The following CEP85L variants were observed in gnomAD, a reference collection of about 807,000 sequenced individuals.
CEP85L encodes the protein centrosomal protein 85L.
Under a neutral mutation model 100.3 loss-of-function variants are expected in CEP85L, and 60 were observed. The observed-to-expected ratio is 0.60, with a 90% CI of 0.49 to 0.74. The LOEUF is 0.74. Among genes scored for constraint, CEP85L ranks in the 30% least tolerant of loss-of-function variants. The pLI, the probability that CEP85L is intolerant of heterozygous loss-of-function variation, is 0.00. For synonymous variants in CEP85L, 319 were observed against 322.7 expected (o/e 0.99, Z 0.12); for missense variants, 973 against 936.2 (o/e 1.04, Z -0.51).
intron 5 of CEP85L, among the ~76,000 whole-genome samples, chr6:118,504,750 G>A (rs1422034409): frequency 6.6e-6 from 1 of 152,176 alleles, no homozygotes; most frequent in Non-Finnish European, 1.5e-5. Context: ...GGGCAGTCTT[G>A]TGGTAGTGAG....
At chr6:118,593,464 G>A (rs1781299635) in intron 2 of CEP85L, among the ~76,000 whole-genome samples, 2 of 152,046 alleles carry the variant, frequency 1.3e-5, no homozygotes, top group East Asian at 3.8e-4. Flanking sequence ...TTACATGGCA[G>A]GAGGAAGAGA....
chr6:118,672,582 A>G (rs1288921129), intron 1 of CEP85L, among the ~76,000 whole-genome samples: 1 of 152,156 alleles, frequency 6.6e-6, no homozygotes, highest in African/African-American at 2.4e-5. Flanking sequence ...CCTGGGCAAC[A>G]TGGTGAGACT....
At chr6:118,501,235 C>A (rs1288030136) in intron 5 of CEP85L, among the ~76,000 whole-genome samples, 1 of 152,230 alleles carries the variant, frequency 6.6e-6, no homozygotes, top group African/African-American at 2.4e-5. Context: ...CCATGTCTGA[C>A]CAGGCCCTGG....
At chr6:118,501,355 G>T (rs1775290478) in intron 5 of CEP85L, 1 of 363,192 alleles carries the variant, frequency 2.8e-6, no homozygotes, top group Admixed American at 3.9e-5. Context: ...CAATGCAGGG[G>T]GTTAGCATGT....
At chr6:118,607,695 G>A (rs1296171823) in intron 2 of CEP85L, among the ~76,000 whole-genome samples, 1 of 152,176 alleles carries the variant, frequency 6.6e-6, no homozygotes, top group Non-Finnish European at 1.5e-5. Context: ...ACTCCCCTAA[G>A]TTGGGCCTCT....
chr6:118,606,705 T>C (rs1199289595), intron 2 of CEP85L, among the ~76,000 whole-genome samples: 1 of 152,230 alleles, frequency 6.6e-6, no homozygotes, highest in Non-Finnish European at 1.5e-5. Context: ...AATTTGTTAC[T>C]GACCAGCTTG....
chr6:118,612,217 CACTT>C (rs1462451309), intron 2 of CEP85L, among the ~76,000 whole-genome samples: 2 of 151,640 alleles, frequency 1.3e-5, no homozygotes, highest in Non-Finnish European at 2.9e-5. Flanking sequence ...CTAAACAACA[CACTT>C]ACAGTCCTGA....
chr6:118,472,079 C>T (rs1773002286), intron 10 of CEP85L, among the ~76,000 whole-genome samples: 1 of 151,240 alleles, frequency 6.6e-6, no homozygotes, highest in Non-Finnish European at 1.5e-5. Context: ...GGTGTTTTCA[C>T]AATATAATTA....
intron 1 of CEP85L, chr6:118,646,889 T>A (rs1000379152): frequency 2.1e-6 from 2 of 971,668 alleles, no homozygotes; most frequent in African/African-American, 3.5e-5. Flanking sequence ...AACATGACAA[T>A]AGAGGTTATC....
At chr6:118,652,490 G>T, upstream of CEP85L, 11 of 1,324,052 alleles carry the variant, frequency 8.3e-6, no homozygotes, top group Non-Finnish European at 1.1e-5. Context: ...GTGGTGGGAG[G>T]CGGGCTCTGC....
At chr6:118,616,602 C>T (rs1318606116) in intron 2 of CEP85L, among the ~76,000 whole-genome samples, 2 of 148,624 alleles carry the variant, frequency 1.3e-5, no homozygotes, top group Non-Finnish European at 3.0e-5. Flanking sequence ...TGACGGTATG[C>T]ACCACTACAC....
chr6:118,558,335 T>C (rs949468065), intron 3 of CEP85L, among the ~76,000 whole-genome samples: 1 of 152,162 alleles, frequency 6.6e-6, no homozygotes, highest in Non-Finnish European at 1.5e-5. Flanking sequence ...TTGGGGTCTT[T>C]ATTGAGAAGT....
intron 2 of CEP85L, among the ~76,000 whole-genome samples, chr6:118,581,926 T>C (rs1008721223): frequency 1.3e-4 from 20 of 152,118 alleles, no homozygotes; most frequent in Non-Finnish European, 2.4e-4. Flanking sequence ...AACAGTTAGA[T>C]CTTTTCTCCA....
chr6:118,651,279 G>A lies in CEP85L; in HGVS notation c.-10C>T, dbSNP rs758605801. The A allele has an allele frequency of 6.7e-7, 1 of 1,485,430 alleles. No individual in the cohort carries two copies. The highest frequency in any genetic ancestry group is 8.9e-7 in the Non-Finnish European group (1 of 1,121,964). The allele number at this position is 1,485,430 out of a possible 1,614,324, so 92.0% of individuals were successfully genotyped here. Reference sequence around the variant, plus strand: ...GGAAGCGCCCCCACATCGCGGGCGAGAGGGCCGGGTGGGCCAGGGACGCCC... The same window carrying A: ...GGAAGCGCCCCCACATCGCGGGCGAAAGGGCCGGGTGGGCCAGGGACGCCC... On this transcript the variant is annotated 5_prime_UTR_variant, in exon 1 of 13. Transcript: ENST00000368491.
At chr6:118,617,212 A>G (rs74532448) in intron 2 of CEP85L, among the ~76,000 whole-genome samples, 1 of 152,182 alleles carries the variant, frequency 6.6e-6, no homozygotes, top group East Asian at 1.9e-4. Context: ...AATAATATTG[A>G]GGTATAATAT....
chr6:118,599,933 A>C (rs900990078), intron 2 of CEP85L, among the ~76,000 whole-genome samples: 10 of 152,168 alleles, frequency 6.6e-5, no homozygotes, highest in African/African-American at 2.4e-4. Flanking sequence ...AGAGGAGATT[A>C]AGAAAACATT....
At chr6:118,641,518 C>CAT (rs1346953328) in intron 1 of CEP85L, among the ~76,000 whole-genome samples, 1 of 152,124 alleles carries the variant, frequency 6.6e-6, no homozygotes, top group Non-Finnish European at 1.5e-5. Flanking sequence ...CATTATGTTA[C>CAT]ATATATATAA....
intron 1 of CEP85L, among the ~76,000 whole-genome samples, chr6:118,640,789 A>G (rs1774814774): frequency 6.6e-6 from 1 of 152,158 alleles, no homozygotes; most frequent in Non-Finnish European, 1.5e-5. Context: ...TCAGCCTCCC[A>G]AAGTACTGGG....
upstream of CEP85L, chr6:118,652,462 A>C: frequency 1.6e-6 from 2 of 1,260,756 alleles, no homozygotes; most frequent in Non-Finnish European, 2.0e-6. Context: ...TTCGTATAAA[A>C]AATTCTGGGC....
Sources: allele counts gnomAD v4.1 joint callset (sites outside exome capture counted in the v4.1 genomes callset), GRCh38; gene constraint gnomAD v4.1.1; transcripts MANE v1.5; gene names NCBI Gene and HGNC (gene_info 2026-07-23, HGNC 2026-07-21).